SORD: variants seen among roughly 807,000 people sequenced by gnomAD.
SORD encodes sorbitol dehydrogenase, also known as (R,R)-butanediol dehydrogenase.
Under a neutral mutation model 35.6 loss-of-function variants are expected in SORD, and 18 were observed. That is an observed-to-expected ratio of 0.51 (90% CI 0.35 to 0.75). The LOEUF (loss-of-function observed/expected upper bound fraction) is 0.75. Among genes scored for constraint, SORD ranks in the 30% least tolerant of loss-of-function variants. The pLI is 0.01. For missense variants in SORD, 250 were observed against 390.2 expected (o/e 0.64, Z 3.03); for synonymous variants, 106 against 152.9 (o/e 0.69, Z 2.26).
At chr15:45,055,525 GA>G (rs1893200600) in intron 3 of SORD, among the ~76,000 whole-genome samples, 1 of 152,166 alleles carries the variant, frequency 6.6e-6, no homozygotes, top group African/African-American at 2.4e-5. Flanking sequence ...AAGAGTCCAG[GA>G]CCAGATGGAT....
intron 1 of SORD, among the ~76,000 whole-genome samples, chr15:45,039,617 A>G (rs1411993092): frequency 1.3e-5 from 2 of 152,200 alleles, no homozygotes; most frequent in African/African-American, 4.8e-5. Flanking sequence ...AATAGCTCAG[A>G]TTGCTTTTGA....
chr15:45,042,674 T>C (rs1892987008), intron 2 of SORD, among the ~76,000 whole-genome samples: 1 of 152,104 alleles, frequency 6.6e-6, no homozygotes, highest in Non-Finnish European at 1.5e-5. Flanking sequence ...AAGTTATCTT[T>C]TGGAAAATAG....
At chr15:45,035,795 G>A (rs1371252683) in intron 1 of SORD, among the ~76,000 whole-genome samples, 27 of 123,482 alleles carry the variant, frequency 2.2e-4, no homozygotes, top group African/African-American at 3.1e-4. Flanking sequence ...CGGGAGGAAC[G>A]AACAACTCCA....
chr15:45,053,658 T>A (rs1440078490), intron 3 of SORD, among the ~76,000 whole-genome samples: 1 of 152,010 alleles, frequency 6.6e-6, no homozygotes, highest in East Asian at 1.9e-4. Context: ...TTTATTATTA[T>A]TATACTTTAA....
chr15:45,024,710 C>T (rs989030965), intron 1 of SORD, among the ~76,000 whole-genome samples: 1 of 152,136 alleles, frequency 6.6e-6, no homozygotes, highest in African/African-American at 2.4e-5. Context: ...CTCAGTACTT[C>T]ATTCCACAAA....
chr15:45,058,526 G>C (rs1039460504), intron 3 of SORD: 1 of 151,958 alleles, frequency 6.6e-6, no homozygotes, highest in Non-Finnish European at 1.5e-5. Flanking sequence ...GTAAAGTACT[G>C]GGGGGCTGCT....
chr15:45,070,456 C>G (rs1893492871), intron 7 of SORD: 1 of 153,414 alleles, frequency 6.5e-6, no homozygotes, highest in Non-Finnish European at 1.4e-5. Flanking sequence ...TACTAAGTTG[C>G]CCAGCGGCCT....
At chr15:45,071,538 G>A (rs1893513633) in intron 7 of SORD, among the ~76,000 whole-genome samples, 1 of 152,126 alleles carries the variant, frequency 6.6e-6, no homozygotes, top group African/African-American at 2.4e-5. Context: ...ACCCAGAATG[G>A]TCCCAATAAA....
At chr15:45,067,549 G>T (rs1470325159) in intron 5 of SORD, among the ~76,000 whole-genome samples, 3 of 152,140 alleles carry the variant, frequency 2.0e-5, no homozygotes, top group Admixed American at 2.0e-4. Flanking sequence ...CCCAAAGATA[G>T]TCTGCATTGC....
At position 45,073,529 on chromosome 15, in the gene SORD, G is replaced by C. The variant is rs773194260; in HGVS notation, c.1073G>C (p.Ter358SerextTer2). 2.5e-6 allele frequency: 4 copies of C among 1,592,342 alleles called. No individual in the cohort carries two copies. The highest frequency in any genetic ancestry group is 3.4e-6 in the Non-Finnish European group (4 of 1,173,002). ...TGTGACCCCAGTGACCAGAATCCCT[G>C]ATGTTAATGGGCTCTGCCCTCATCC... The part of the protein sequence containing the change: ...LKCDPSDQNP[*>S] The change falls in exon 9 of 9, where the codon TGA becomes TCA. Residue 358 changes from the stop codon to serine (S), a stop_lost. Coordinates refer to ENST00000267814, the MANE Select transcript of SORD (RefSeq NM_003104.6).
chr15:45,054,789 TAA>T (rs1163481525), intron 3 of SORD, among the ~76,000 whole-genome samples: 1 of 151,428 alleles, frequency 6.6e-6, no homozygotes, highest in Non-Finnish European at 1.5e-5. Context: ...GTCTAACGTT[TAA>T]GTCTTTAATC....
At position 45,065,350 on chromosome 15, in the gene SORD, G is replaced by A. The variant is rs369105674; in HGVS notation, c.505G>A (p.Gly169Arg). Residue 169 changes from glycine (G) to arginine (R), a missense_variant, in exon 5 of 9, where the codon GGA becomes AGA. This residue lies in a region of SORD where 126 missense variants were observed against 148.7 expected (regional missense o/e 0.85). Transcript: ENST00000267814. ...GGGGATCCATGCCTGCAGGAGAGGCGGAGTTACCCTGGGACACAAGGTCCT... is the reference window on the plus strand; with the variant it reads ...GGGGATCCATGCCTGCAGGAGAGGCAGAGTTACCCTGGGACACAAGGTCCT... ...SVGIHACRRGGVTLGHKVLVC... is the reference protein window; with the variant it reads ...SVGIHACRRGRVTLGHKVLVC... 1.3e-5 allele frequency: 21 copies of A among 1,613,594 alleles called. No individual in the cohort carries two copies. The highest frequency in any genetic ancestry group is 5.5e-5 in the South Asian group (5 of 91,056).
chr15:45,040,951 TG>T (rs970172979), intron 2 of SORD, among the ~76,000 whole-genome samples: 1 of 152,156 alleles, frequency 6.6e-6, no homozygotes, highest in African/African-American at 2.4e-5. Flanking sequence ...TACTGTCCAG[TG>T]GGGGTGGGAG....
At chr15:45,026,736 T>C (rs1892676217) in intron 1 of SORD, among the ~76,000 whole-genome samples, 2 of 152,262 alleles carry the variant, frequency 1.3e-5, no homozygotes, top group South Asian at 2.1e-4. Context: ...AAATCATTCC[T>C]AAAATCTGAA....
chr15:45,064,083 G>A (rs1893367430), intron 4 of SORD, among the ~76,000 whole-genome samples: 1 of 149,354 alleles, frequency 6.7e-6, no homozygotes, highest in Non-Finnish European at 1.5e-5. Context: ...TGGTTTGGCT[G>A]TCACATTTAT....
intron 3 of SORD, 58 bp from the exon 4 acceptor site, chr15:45,061,009 A>G: frequency 6.2e-7 from 1 of 1,610,014 alleles, no homozygotes; most frequent in Non-Finnish European, 8.5e-7. Context: ...CAGACCAAAG[A>G]GCGGGCAGAC....
intron 1 of SORD, among the ~76,000 whole-genome samples, chr15:45,034,108 A>G (rs146639547): frequency 0.091 from 12,582 of 138,410 alleles, 96 homozygotes; most frequent in African/African-American, 0.34. Context: ...CATAGTGTGA[A>G]CTAATTATGG....
At chr15:45,056,653 G>A (rs1351829460) in intron 3 of SORD, among the ~76,000 whole-genome samples, 2 of 152,276 alleles carry the variant, frequency 1.3e-5, no homozygotes, top group East Asian at 3.9e-4. Context: ...TAACATTTAG[G>A]GAGTTACCTG....
chr15:45,028,851 T>C (rs270820), intron 1 of SORD, among the ~76,000 whole-genome samples: 3 of 136,344 alleles, frequency 2.2e-5, no homozygotes, highest in African/African-American at 9.7e-5. Flanking sequence ...AAAATGTCTA[T>C]ACTTTACTGT....
Sources: allele counts gnomAD v4.1 joint callset (sites outside exome capture counted in the v4.1 genomes callset), GRCh38; gene constraint gnomAD v4.1.1; regional missense constraint gnomAD v4.1.1; transcripts MANE v1.5; gene names NCBI Gene and HGNC (gene_info 2026-07-23, HGNC 2026-07-21).